NHERF2: variants seen among roughly 807,000 people sequenced by gnomAD.
The protein encoded by NHERF2 is NHERF family PDZ scaffold protein 2.
chr16:2,030,164 C>T, the NHERF2 span, among the ~76,000 whole-genome samples: 5 of 152,218 alleles, frequency 3.3e-5, no homozygotes, highest in African/African-American at 7.2e-5. Flanking sequence ...GGGTGTCATC[C>T]GTGGCTCTGT....
chr16:2,031,481 C>G, the NHERF2 span, among the ~76,000 whole-genome samples: 1 of 152,196 alleles, frequency 6.6e-6, no homozygotes, highest in Non-Finnish European at 1.5e-5. Context: ...ATCCGGCCCT[C>G]GGACTTTATC....
the NHERF2 span, chr16:2,027,049 T>G: frequency 7.3e-7 from 1 of 1,375,462 alleles, no homozygotes; most frequent in Non-Finnish European, 9.4e-7. Context: ...TGCCGCTTGG[T>G]GCGCGGAGAG....
chr16:2,029,165 G>A, the NHERF2 span, among the ~76,000 whole-genome samples: 3 of 152,214 alleles, frequency 2.0e-5, no homozygotes, highest in African/African-American at 7.2e-5. Context: ...AAACCTGGAC[G>A]GAGACACAGA....
At chr16:2,037,932 G>A in the NHERF2 span, 18 of 1,613,148 alleles carry the variant, frequency 1.1e-5, no homozygotes, top group African/African-American at 9.3e-5. Flanking sequence ...GTCAACAAGC[G>A]CGCGCCACAG....
chr16:2,036,415 A>T, the NHERF2 span: 1 of 1,608,830 alleles, frequency 6.2e-7, no homozygotes, highest in Non-Finnish European at 8.5e-7. Flanking sequence ...CATAGTGACA[A>T]GTCCCGGCCC....
At chr16:2,037,048 AGG>A in the NHERF2 span, 2 of 1,537,782 alleles carry the variant, frequency 1.3e-6, no homozygotes, top group Non-Finnish European at 1.8e-6. Context: ...GGGGGTACCC[AGG>A]CCCGACAGAG....
chr16:2,038,548 A>C, the NHERF2 span: 2 of 343,700 alleles, frequency 5.8e-6, no homozygotes, highest in South Asian at 4.2e-5. Context: ...GGGACTTCCC[A>C]GTGGCCAAGT....
the NHERF2 span, among the ~76,000 whole-genome samples, chr16:2,034,846 G>T: frequency 6.6e-6 from 1 of 152,236 alleles, no homozygotes; most frequent in African/African-American, 2.4e-5. Context: ...CAGCCTGGGG[G>T]CCGTGCTGTG....
the NHERF2 span, chr16:2,036,300 T>A: frequency 6.3e-7 from 1 of 1,588,556 alleles, no homozygotes. Context: ...AGCAAGAGAC[T>A]GACCCTGTCC....
At chr16:2,038,515 G>T in the NHERF2 span, 1 of 369,334 alleles carries the variant, frequency 2.7e-6, no homozygotes. Flanking sequence ...CCTCAGCAGC[G>T]GCCGTCCTGA....
chr16:2,037,393 G>A, the NHERF2 span: 16 of 789,440 alleles, frequency 2.0e-5, no homozygotes, highest in African/African-American at 6.8e-5. Flanking sequence ...TGCCTGCCCC[G>A]CCGCATCTGG....
chr16:2,032,151 C>T, the NHERF2 span, among the ~76,000 whole-genome samples: 1 of 151,898 alleles, frequency 6.6e-6, no homozygotes, highest in African/African-American at 2.4e-5. This position sits in a 1 kb window ranked among gnomAD's most constrained non-coding sequence, Gnocchi z 4.0. Context: ...TGCTGAGTAG[C>T]TGGGATTACA....
chr16:2,028,875 C>T, the NHERF2 span, among the ~76,000 whole-genome samples: 2 of 152,158 alleles, frequency 1.3e-5, no homozygotes, highest in Admixed American at 6.5e-5. Flanking sequence ...ACGCACACAC[C>T]GACGGCCACC....
chr16:2,035,996 A>C, the NHERF2 span: 1 of 312,338 alleles, frequency 3.2e-6, no homozygotes, highest in South Asian at 7.4e-5. Context: ...CCAGGAGGCC[A>C]ACGGCGACAG....
the NHERF2 span, chr16:2,033,063 C>A: frequency 1.5e-6 from 2 of 1,312,646 alleles, no homozygotes. Context: ...TCCCTGTCCC[C>A]TCAGCCCTGG....
At chr16:2,035,231 G>A in the NHERF2 span, among the ~76,000 whole-genome samples, 2 of 152,156 alleles carry the variant, frequency 1.3e-5, no homozygotes, top group Non-Finnish European at 2.9e-5. Flanking sequence ...GGACCCCCTT[G>A]CTCCCTTGGC....
the NHERF2 span, chr16:2,036,580 G>A: frequency 2.6e-6 from 4 of 1,518,900 alleles, no homozygotes; most frequent in African/African-American, 2.7e-5. Flanking sequence ...CTTGCAGGGA[G>A]GAGGGAGACG....
the NHERF2 span, chr16:2,029,586 T>C: frequency 2.5e-6 from 4 of 1,571,132 alleles, no homozygotes; most frequent in Non-Finnish European, 3.5e-6. Flanking sequence ...CCCCAGGTGG[T>C]GCAAAGGATC....
At chr16:2,037,451 TGGG>T in the NHERF2 span, 2 of 1,113,312 alleles carry the variant, frequency 1.8e-6, no homozygotes, top group Non-Finnish European at 2.6e-6. Context: ...GAGCACACAC[TGGG>T]GGGGGGTGTG....
Sources: allele counts gnomAD v4.1 joint callset (sites outside exome capture counted in the v4.1 genomes callset), GRCh38; gene constraint gnomAD v4.1.1; non-coding constraint Gnocchi (gnomAD v3.1); transcripts MANE v1.5; gene names NCBI Gene and HGNC (gene_info 2026-07-23, HGNC 2026-07-21).